The following MAPK10 variants were observed in gnomAD, a reference collection of about 807,000 sequenced individuals.
MAPK10 encodes mitogen-activated protein kinase 10.
Under a neutral mutation model 59.3 loss-of-function variants are expected in MAPK10, and 25 were observed. That is an observed-to-expected ratio of 0.42 (90% CI 0.31 to 0.59). The LOEUF (loss-of-function observed/expected upper bound fraction) is 0.59. Ranked by LOEUF, MAPK10 falls within the 20% of genes least tolerant of loss-of-function variation. The pLI is 0.15. For synonymous variants in MAPK10, 190 were observed against 200.5 expected (o/e 0.95, Z 0.44); for missense variants, 351 against 568.9 (o/e 0.62, Z 3.90).
chr4:86,403,673 C>T (rs1320730690), intron 1 of MAPK10, among the ~76,000 whole-genome samples: 1 of 152,166 alleles, frequency 6.6e-6, no homozygotes, highest in Non-Finnish European at 1.5e-5. Context: ...ATCTTCTTCA[C>T]AGGCGGCAGG....
rs188931986 is a variant in MAPK10, at chr4:86,209,854, C to A, written c.-6-15447G>T. The stretch of plus-strand genomic sequence containing the variant: ...GCCAAAAGAGCAAATCTGGAGGAAT[C>A]ACATTACCTGACTTCAAATTATATT... On this transcript the variant is annotated intron_variant, in intron 2 of 13. Coordinates refer to ENST00000641462, the MANE Select transcript of MAPK10 (RefSeq NM_138982.4). Among the ~76,000 whole-genome samples, 400 of 152,172 alleles carry A rather than the reference C, an allele frequency of 2.6e-3. 1 individual carries two copies. Among genetic ancestry groups the A allele is most frequent in the Non-Finnish European group, 4.7e-3 (320 of 67,988 alleles).
At chr4:86,205,955 C>T (rs1480274998) in intron 2 of MAPK10, among the ~76,000 whole-genome samples, 1 of 151,782 alleles carries the variant, frequency 6.6e-6, no homozygotes. Context: ...CAATAGTACC[C>T]TGCAAATGAA....
chr4:86,479,295 C>G (rs1347461147), intron 1 of MAPK10, among the ~76,000 whole-genome samples: 12 of 152,060 alleles, frequency 7.9e-5, no homozygotes, highest in Non-Finnish European at 1.5e-5. Context: ...CCTTACCAAG[C>G]TCAGCCACCA....
At chr4:86,018,532 C>T (rs913075139) in intron 13 of MAPK10, among the ~76,000 whole-genome samples, 2 of 152,150 alleles carry the variant, frequency 1.3e-5, no homozygotes, top group Non-Finnish European at 2.9e-5. Flanking sequence ...GAGAAGAAAC[C>T]TGCCCATGGT....
chr4:86,043,165 A>G (rs2041900654), intron 11 of MAPK10, among the ~76,000 whole-genome samples: 1 of 152,144 alleles, frequency 6.6e-6, no homozygotes, highest in Non-Finnish European at 1.5e-5. Flanking sequence ...GATAATTAAA[A>G]TTAAGGCTGT....
chr4:86,539,150 T>A (rs1758478742), intron 1 of MAPK10, among the ~76,000 whole-genome samples: 1 of 152,094 alleles, frequency 6.6e-6, no homozygotes, highest in South Asian at 2.1e-4. Flanking sequence ...AATAATGAGC[T>A]CAGCCCAGGA....
At chr4:86,209,307 G>A (rs546109379) in intron 2 of MAPK10, among the ~76,000 whole-genome samples, 22 of 152,150 alleles carry the variant, frequency 1.4e-4, no homozygotes, top group South Asian at 2.1e-4. Flanking sequence ...ATGTATTCAC[G>A]TATATAAAAT....
At chr4:86,178,332 G>A (rs867293291) in intron 3 of MAPK10, among the ~76,000 whole-genome samples, 28 of 152,012 alleles carry the variant, frequency 1.8e-4, no homozygotes, top group African/African-American at 6.5e-4. Flanking sequence ...GTTTTGGTTG[G>A]TTGGATGTTT....
At chr4:86,312,233 T>C (rs1295109725) in intron 2 of MAPK10, among the ~76,000 whole-genome samples, 3 of 152,138 alleles carry the variant, frequency 2.0e-5, no homozygotes, top group Non-Finnish European at 2.9e-5. Context: ...CTTCTATTTT[T>C]GGACAGAACT....
chr4:86,381,462 C>T (rs1378464663), intron 1 of MAPK10, among the ~76,000 whole-genome samples: 1 of 152,158 alleles, frequency 6.6e-6, no homozygotes, highest in Non-Finnish European at 1.5e-5. Context: ...TCAGATCCAT[C>T]CTTGCCCTTC....
In MAPK10 at chr4:86,135,724, C is replaced by T. The variant is rs539168915; in HGVS notation, c.236+23574G>A. 3.4e-4 allele frequency among the ~76,000 whole-genome samples: 51 copies of T among 150,638 alleles called. No individual in the cohort carries two copies. In the East Asian group the frequency reaches 4.2e-3, roughly 13 times the overall value. ...CGAGCTGAGAGAAGAAGGCTTCAGACGATCAAATTACTGAGCTATGGGAGG... is the reference window on the plus strand; with the variant it reads ...CGAGCTGAGAGAAGAAGGCTTCAGATGATCAAATTACTGAGCTATGGGAGG... On this transcript the variant is annotated intron_variant, in intron 4 of 13. Transcript: ENST00000641462.
At chr4:86,105,786 G>A (rs1236795223) in intron 5 of MAPK10, among the ~76,000 whole-genome samples, 1 of 151,882 alleles carries the variant, frequency 6.6e-6, no homozygotes, top group Non-Finnish European at 1.5e-5. Flanking sequence ...TCTCATGTTT[G>A]TTGCATGGCC....
intron 1 of MAPK10, among the ~76,000 whole-genome samples, chr4:86,576,576 C>G (rs1350186540): frequency 9.3e-5 from 14 of 150,968 alleles, no homozygotes; most frequent in Admixed American, 7.9e-4. Context: ...AGATCAAGAC[C>G]AGCCTGACTA....
chr4:86,553,720 G>A (rs1225603539), intron 1 of MAPK10, among the ~76,000 whole-genome samples: 1 of 152,126 alleles, frequency 6.6e-6, no homozygotes, highest in Non-Finnish European at 1.5e-5. Context: ...GTTCTGTGAG[G>A]AGGGGAAGTG....
intron 1 of MAPK10, among the ~76,000 whole-genome samples, chr4:86,446,803 T>C (rs539381839): frequency 1.1e-4 from 17 of 152,334 alleles, no homozygotes; most frequent in African/African-American, 4.1e-4. Flanking sequence ...CCCTAATTAC[T>C]AATAAGGTTG....
intron 2 of MAPK10, among the ~76,000 whole-genome samples, chr4:86,337,665 G>A (rs1223708202): frequency 6.6e-6 from 1 of 152,178 alleles, no homozygotes; most frequent in Non-Finnish European, 1.5e-5. Context: ...AGCTGGAGTA[G>A]AGGACACAAT....
chr4:86,568,182 A>G (rs950482347), intron 1 of MAPK10, among the ~76,000 whole-genome samples: 2 of 152,232 alleles, frequency 1.3e-5, no homozygotes, highest in Non-Finnish European at 2.9e-5. Flanking sequence ...GTCAGAACTC[A>G]ATTCCATTTA....
At chr4:86,139,374 C>G (rs1288583309) in intron 4 of MAPK10, among the ~76,000 whole-genome samples, 4 of 150,696 alleles carry the variant, frequency 2.7e-5, no homozygotes, top group African/African-American at 9.9e-5. Flanking sequence ...TCAGAAATAA[C>G]GCCGCATATC....
intron 3 of MAPK10, among the ~76,000 whole-genome samples, chr4:86,190,959 A>G (rs10016847): frequency 0.32 from 49,321 of 151,896 alleles, 11,026 homozygotes; most frequent in African/African-American, 0.64. Flanking sequence ...TGTTCTCCTC[A>G]ATTTCAAATA....
Sources: gnomAD v4.1 joint callset for allele counts (sites outside exome capture counted in the v4.1 genomes callset) on GRCh38, gnomAD v4.1.1 for gene constraint, MANE v1.5 for transcripts, NCBI Gene and HGNC (gene_info 2026-07-23, HGNC 2026-07-21) for gene names.